ANXA8: variants seen among roughly 807,000 people sequenced by gnomAD.
ANXA8 encodes the protein VAC-beta.
Under a neutral mutation model 26.8 loss-of-function variants are expected in ANXA8, and 9 were observed. That is an observed-to-expected ratio of 0.34 (90% CI 0.20 to 0.59). ANXA8 has a LOEUF of 0.59. Ranked by LOEUF, ANXA8 falls within the 20% of genes least tolerant of loss-of-function variation. The pLI is 0.84. For missense variants in ANXA8, 83 were observed against 238.5 expected, an observed-to-expected ratio of 0.35 and a Z score of 4.29; for synonymous variants, 39 against 94.8, an observed-to-expected ratio of 0.41 and a Z score of 3.42.
At chr10:47,486,092 A>G (rs1265146217), upstream of ANXA8, among the ~76,000 whole-genome samples, 1 of 149,820 alleles carries the variant, frequency 6.7e-6, no homozygotes, top group Non-Finnish European at 1.5e-5. Context: ...TGGGCAACAG[A>G]GTGAAACTCC....
chr10:47,744,538 G>C, the ANXA8 span, among the ~76,000 whole-genome samples: 1 of 150,872 alleles, frequency 6.6e-6, no homozygotes. Context: ...ACTCCACTTT[G>C]AGAAACATAC....
chr10:47,607,999 A>C, the ANXA8 span, among the ~76,000 whole-genome samples: 58 of 147,134 alleles, frequency 3.9e-4, 5 homozygotes, highest in East Asian at 0.011. Context: ...TTAAATTAGG[A>C]AAGGTCAATA....
the ANXA8 span, among the ~76,000 whole-genome samples, chr10:47,547,381 T>C: frequency 7.2e-6 from 1 of 139,620 alleles, no homozygotes; most frequent in Non-Finnish European, 1.5e-5. Flanking sequence ...AGCTACCGTT[T>C]GTGTTTTTAA....
chr10:47,700,427 T>C, the ANXA8 span, among the ~76,000 whole-genome samples: 1 of 151,890 alleles, frequency 6.6e-6, no homozygotes, highest in Non-Finnish European at 1.5e-5. Context: ...TAATAAATGG[T>C]GCTGAGACAA....
the ANXA8 span, among the ~76,000 whole-genome samples, chr10:47,616,235 CTT>C: frequency 4.5e-5 from 3 of 67,112 alleles, no homozygotes; most frequent in Admixed American, 1.6e-4. Context: ...AAGAGAGAAG[CTT>C]TTTTTTTTTT....
the ANXA8 span, among the ~76,000 whole-genome samples, chr10:47,929,118 A>ACATTC: frequency 2.6e-5 from 2 of 78,290 alleles, no homozygotes; most frequent in Admixed American, 1.6e-4. Context: ...GGCATGGGAT[A>ACATTC]CTGTGCCTGG....
the ANXA8 span, among the ~76,000 whole-genome samples, chr10:47,948,064 A>T: frequency 6.7e-6 from 1 of 149,912 alleles, no homozygotes; most frequent in Non-Finnish European, 1.5e-5. Context: ...AGAAGCCCTA[A>T]ATAAAGTCTA....
At chr10:47,652,569 C>T in the ANXA8 span, among the ~76,000 whole-genome samples, 1 of 150,632 alleles carries the variant, frequency 6.6e-6, no homozygotes, top group Non-Finnish European at 1.5e-5. Context: ...TGCCCTCCAG[C>T]CTGGTCAACA....
the ANXA8 span, among the ~76,000 whole-genome samples, chr10:47,689,468 G>A: frequency 1.4e-4 from 22 of 151,864 alleles, 1 homozygote; most frequent in East Asian, 3.9e-4. Context: ...GAGCCACTGC[G>A]CCCGGCCTAA....
chr10:47,690,994 A>G, the ANXA8 span: 1 of 1,611,380 alleles, frequency 6.2e-7, no homozygotes, highest in African/African-American at 1.3e-5. Flanking sequence ...TAAAAAAATC[A>G]TTAATAAAAA....
chr10:47,585,130 G>T, the ANXA8 span, among the ~76,000 whole-genome samples: 1 of 143,836 alleles, frequency 7.0e-6, no homozygotes, highest in Non-Finnish European at 1.5e-5. Flanking sequence ...AGGCATGGTG[G>T]TGGGCGCCTG....
At chr10:47,549,039 T>C in the ANXA8 span, among the ~76,000 whole-genome samples, 25,715 of 148,854 alleles carry the variant, frequency 0.17, 1,284 homozygotes, top group East Asian at 0.44. Flanking sequence ...ATTAGCTGTG[T>C]TCATTAAAGG....
At chr10:47,680,167 G>T in the ANXA8 span, among the ~76,000 whole-genome samples, 1 of 151,438 alleles carries the variant, frequency 6.6e-6, no homozygotes, top group African/African-American at 2.4e-5. Context: ...AGTCCATCAC[G>T]TTAGCCAGGC....
chr10:47,957,005 C>T, the ANXA8 span, among the ~76,000 whole-genome samples: 1 of 150,436 alleles, frequency 6.6e-6, no homozygotes, highest in Non-Finnish European at 1.5e-5. Context: ...CCCTTAGTAT[C>T]TCAGCAACCT....
chr10:47,966,139 CA>C, the ANXA8 span, among the ~76,000 whole-genome samples: 150 of 117,958 alleles, frequency 1.3e-3, no homozygotes, highest in African/African-American at 4.1e-3. Context: ...AGTATGCCCC[CA>C]GGGGAGGAGA....
At chr10:47,744,026 C>CG in the ANXA8 span, among the ~76,000 whole-genome samples, 17 of 143,380 alleles carry the variant, frequency 1.2e-4, no homozygotes, top group Non-Finnish European at 1.7e-4. Context: ...GAGAGACGTG[C>CG]GGGGGGTAGG....
chr10:47,556,465 G>A, the ANXA8 span, among the ~76,000 whole-genome samples: 12 of 152,030 alleles, frequency 7.9e-5, 1 homozygote, highest in African/African-American at 2.7e-4. Context: ...TATTTGGTGT[G>A]AAAGTGCAAC....
At chr10:47,778,907 T>C in the ANXA8 span, among the ~76,000 whole-genome samples, 9 of 131,782 alleles carry the variant, frequency 6.8e-5, no homozygotes, top group African/African-American at 2.5e-4. Context: ...CATTATGATA[T>C]GATATGATAT....
chr10:47,535,223 C>T, the ANXA8 span, among the ~76,000 whole-genome samples: 5 of 133,286 alleles, frequency 3.8e-5, 1 homozygote, highest in Non-Finnish European at 7.6e-5. Flanking sequence ...ATCCGCCCAC[C>T]TCGGTCTCCC....
Sources: allele counts gnomAD v4.1 joint callset (sites outside exome capture counted in the v4.1 genomes callset), GRCh38; gene constraint gnomAD v4.1.1; transcripts MANE v1.5; gene names NCBI Gene and HGNC (gene_info 2026-07-23, HGNC 2026-07-21).